Variants in AKAIN1 observed in about 807,000 individuals in gnomAD.
AKAIN1 encodes the protein A-kinase anchor protein inhibitor 1.
In AKAIN1, 3 loss-of-function variants were observed where a neutral mutation model predicts 3.7. The observed-to-expected ratio is 0.82, with a 90% CI of 0.37 to 2.12. The LOEUF (loss-of-function observed/expected upper bound fraction) is 2.12, where lower values mean the gene tolerates loss of function less well. Among genes scored for constraint, AKAIN1 ranks in the 30% most tolerant of loss-of-function variants. The pLI, the probability that AKAIN1 is intolerant of heterozygous loss-of-function variation, is 0.06. For synonymous variants in AKAIN1, 31 were observed against 30.8 expected (o/e 1.01, Z -0.02); for missense variants, 82 against 82.7 (o/e 0.99, Z 0.03).
intron 1 of AKAIN1, among the ~76,000 whole-genome samples, chr18:5,178,020 G>A (rs900329910): frequency 6.6e-6 from 1 of 152,046 alleles, no homozygotes; most frequent in African/African-American, 2.4e-5. Context: ...ACGCCTGCAA[G>A]CAAACAGCCA....
chr18:5,151,987 A>G (rs1048435632), intron 1 of AKAIN1, among the ~76,000 whole-genome samples: 1 of 152,204 alleles, frequency 6.6e-6, no homozygotes, highest in Non-Finnish European at 1.5e-5. Flanking sequence ...TGAGCTTACA[A>G]TCTAGAAGAG....
chr18:5,193,828 G>A (rs1285445918), intron 1 of AKAIN1, among the ~76,000 whole-genome samples: 1 of 152,140 alleles, frequency 6.6e-6, no homozygotes, highest in Non-Finnish European at 1.5e-5. Flanking sequence ...GTAAGATATT[G>A]CTATAGCCAC....
intron 1 of AKAIN1, among the ~76,000 whole-genome samples, chr18:5,185,817 C>T (rs145200662): frequency 6.8e-4 from 103 of 152,178 alleles, no homozygotes; most frequent in African/African-American, 2.1e-3. Context: ...TCCCAGCAAT[C>T]GTATTAATGG....
intron 1 of AKAIN1, chr18:5,159,462 C>G (rs1201662535): frequency 1.3e-5 from 2 of 152,102 alleles, no homozygotes; most frequent in African/African-American, 4.8e-5. Flanking sequence ...TGCAAATTAG[C>G]TACCTTCAAA....
intron 1 of AKAIN1, among the ~76,000 whole-genome samples, chr18:5,195,616 G>C (rs2071343201): frequency 6.6e-6 from 1 of 152,126 alleles, no homozygotes; most frequent in African/African-American, 2.4e-5. Context: ...AGATTATCTG[G>C]AACCAGCCTC....
upstream of AKAIN1, chr18:5,197,279 G>A: frequency 2.5e-5 from 35 of 1,373,544 alleles, no homozygotes; most frequent in Non-Finnish European, 3.3e-5. The surrounding 1 kb of genome is among the most constrained non-coding windows in gnomAD (Gnocchi z 6.9). Context: ...GGCGGCGGGA[G>A]GAGGAGGGTG....
At chr18:5,165,882 C>G (rs1057505405) in intron 1 of AKAIN1, among the ~76,000 whole-genome samples, 1 of 151,998 alleles carries the variant, frequency 6.6e-6, no homozygotes, top group Non-Finnish European at 1.5e-5. Flanking sequence ...TTTGGTGGAA[C>G]CCACACTGGG....
intron 1 of AKAIN1, among the ~76,000 whole-genome samples, chr18:5,160,061 T>G (rs1375864577): frequency 6.6e-6 from 1 of 152,196 alleles, no homozygotes; most frequent in African/African-American, 2.4e-5. Flanking sequence ...ATTCTACCAT[T>G]CTTGGCCTTG....
At chr18:5,176,944 TA>T (rs1449192011) in intron 1 of AKAIN1, among the ~76,000 whole-genome samples, 2 of 152,090 alleles carry the variant, frequency 1.3e-5, no homozygotes, top group African/African-American at 4.8e-5. Context: ...TCCAAGGGTA[TA>T]TATAATTTAA....
intron 1 of AKAIN1, among the ~76,000 whole-genome samples, chr18:5,164,602 C>A (rs292318): frequency 0.61 from 92,508 of 151,796 alleles, 29,087 homozygotes; most frequent in African/African-American, 0.76. Flanking sequence ...CCTCCCAGGA[C>A]GACAGATAAC....
At chr18:5,192,385 T>TTTTCTTTCTTTCTTTCCTTCTTTC (rs2071323526) in intron 1 of AKAIN1, among the ~76,000 whole-genome samples, 1 of 106,990 alleles carries the variant, frequency 9.3e-6, no homozygotes, top group African/African-American at 3.6e-5. Flanking sequence ...ACAGAGCTAA[T>TTTTCTTTCTTTCTTTCCTTCTTTC]TTTCTTTCTT....
chr18:5,188,716 A>C (rs528629886), intron 1 of AKAIN1, among the ~76,000 whole-genome samples: 4 of 152,218 alleles, frequency 2.6e-5, no homozygotes, highest in Admixed American at 2.6e-4. Context: ...AATGTCACAA[A>C]GTGATATGTG....
chr18:5,180,759 C>G (rs541792684), intron 1 of AKAIN1, among the ~76,000 whole-genome samples: 1 of 151,858 alleles, frequency 6.6e-6, no homozygotes, highest in Non-Finnish European at 1.5e-5. Flanking sequence ...TTTATTCCCC[C>G]CAAAATGCAA....
At chr18:5,150,741 T>A (rs1466548853) in intron 1 of AKAIN1, among the ~76,000 whole-genome samples, 1 of 152,144 alleles carries the variant, frequency 6.6e-6, no homozygotes, top group Non-Finnish European at 1.5e-5. Context: ...CATTCATGCC[T>A]CTCCAGTGGA....
chr18:5,187,486 A>C (rs990039544), intron 1 of AKAIN1, among the ~76,000 whole-genome samples: 1 of 152,188 alleles, frequency 6.6e-6, no homozygotes, highest in South Asian at 2.1e-4. Context: ...GGATCATCCC[A>C]TGGTGGGAAG....
intron 1 of AKAIN1, among the ~76,000 whole-genome samples, chr18:5,193,242 C>A (rs980158798): frequency 6.6e-6 from 1 of 152,104 alleles, no homozygotes; most frequent in African/African-American, 2.4e-5. Context: ...ACAATTACAC[C>A]ATTTTTATTC....
chr18:5,169,083 T>C (rs537342969), intron 1 of AKAIN1, among the ~76,000 whole-genome samples: 1 of 151,806 alleles, frequency 6.6e-6, no homozygotes, highest in African/African-American at 2.4e-5. Context: ...CAGGGAAGAG[T>C]TAACGTTGCA....
chr18:5,197,504 C>CAAAAAAAAACA (rs1555611698), upstream of AKAIN1: 16 of 837,236 alleles, frequency 1.9e-5, 4 homozygotes, highest in Non-Finnish European at 2.5e-5. The surrounding 1 kb of genome is among the most constrained non-coding windows in gnomAD (Gnocchi z 6.9). Flanking sequence ...ATAGATTTGT[C>CAAAAAAAAACA]AAAAAAAAAA....
Position 5,172,556 on chromosome 18 carries a change from T to A in AKAIN1, c.16+24482A>T, listed in dbSNP as rs530127872. On this transcript the variant is annotated intron_variant, in intron 1 of 1. Transcript: ENST00000434239. ...TCTTATCTAACCAAATGACTTAAAATATATTTTTACATAATTTTTATGTAA... is the reference window on the plus strand; with the variant it reads ...TCTTATCTAACCAAATGACTTAAAAAATATTTTTACATAATTTTTATGTAA... 2.0e-5 allele frequency among the ~76,000 whole-genome samples: 3 copies of A among 152,214 alleles called. No individual in the cohort carries two copies. In the South Asian group the frequency reaches 6.2e-4, roughly 32 times the overall value.
Sources: allele counts gnomAD v4.1 joint callset (sites outside exome capture counted in the v4.1 genomes callset), GRCh38; gene constraint gnomAD v4.1.1; non-coding constraint Gnocchi (gnomAD v3.1); transcripts MANE v1.5; gene names NCBI Gene and HGNC (gene_info 2026-07-23, HGNC 2026-07-21).